Variants in PRRC2C observed in about 807,000 individuals in gnomAD.
PRRC2C encodes proline rich coiled-coil 2C.
In PRRC2C, 72 loss-of-function variants were observed where a neutral mutation model predicts 317.2. The ratio of observed to expected loss-of-function variants is 0.23; its 90% CI spans 0.19 to 0.28. PRRC2C has a LOEUF of 0.28. PRRC2C is among the 10% of genes least tolerant of loss of function. The probability of loss-of-function intolerance (pLI) is 1.00; values close to 1 mark genes in which losing one functional copy is unlikely to be tolerated. For synonymous variants in PRRC2C, 1,296 were observed against 1,205.9 expected, an observed-to-expected ratio of 1.07 and a Z score of -1.55; for missense variants, 3,074 against 3,459.7, an observed-to-expected ratio of 0.89 and a Z score of 2.80.
chr1:171,545,805 T>C (rs754483381), intron 17 of PRRC2C, 118 bp downstream of exon 17: 1 of 715,260 alleles, frequency 1.4e-6, no homozygotes, highest in African/African-American at 1.9e-5. Flanking sequence ...AAGGAAAGAT[T>C]TGGACATTCA....
intron 1 of PRRC2C, among the ~76,000 whole-genome samples, chr1:171,485,952 G>T (rs145239795): frequency 6.6e-6 from 1 of 152,146 alleles, no homozygotes; most frequent in Admixed American, 6.5e-5. Flanking sequence ...GCGGGAAACC[G>T]GAGTCAGACC....
In PRRC2C at chr1:171,566,681, T is replaced by C. The variant is rs764364947; in HGVS notation, c.6396T>C (p.Asp2132=). The C allele has an allele frequency of 3.7e-6, 6 of 1,612,598 alleles. No individual in the cohort carries two copies. The Admixed American group carries it at 1.0e-4, about 27-fold the overall frequency. ...ERSLKNRKVK[D]AQQVEPEGQE... is the part of the protein sequence containing the mutation. ...CATTAAAAAATAGAAAAGTAAAAGA[T>C]GCCCAACAGGTGGAGCCAGAAGGAC... The change falls in exon 22 of 35, where the codon GAT becomes GAC. Residue 2132 remains aspartate (D), a synonymous_variant. Coordinates refer to ENST00000647382, the MANE Select transcript of PRRC2C (RefSeq NM_001387844.1).
intron 1 of PRRC2C, among the ~76,000 whole-genome samples, chr1:171,497,513 C>T (rs780180054): frequency 1.6e-4 from 24 of 151,922 alleles, no homozygotes; most frequent in Non-Finnish European, 2.2e-4. Flanking sequence ...TGTCTATTGC[C>T]GAGGCTGTAA....
intron 1 of PRRC2C, 76 bp downstream of exon 1, chr1:171,485,811 TG>T (rs938479596): frequency 6.6e-6 from 1 of 152,144 alleles, no homozygotes; most frequent in Admixed American, 6.5e-5. Flanking sequence ...GCCTGGGGCG[TG>T]GGAGCGCACC....
Position 171,541,454 on chromosome 1 carries a change from A to G in PRRC2C, c.3988A>G (p.Lys1330Glu). Reference protein sequence around the residue: ...LEKPYVRDDDKAKPGFLPKGE... With the variant: ...LEKPYVRDDDEAKPGFLPKGE... Reference sequence around the variant, plus strand: ...AAAGCCTTATGTAAGGGATGACGATAAAGCTAAACCAGGCTTTCTTCCTAA... The same window carrying G: ...AAAGCCTTATGTAAGGGATGACGATGAAGCTAAACCAGGCTTTCTTCCTAA... Residue 1330 changes from lysine to glutamate, a missense_variant, in exon 16 of 35, where the codon AAA becomes GAA. Lys to Glu is a moderately conservative substitution (Grantham distance 56, BLOSUM62 1). Coordinates refer to ENST00000647382, the MANE Select transcript of PRRC2C (RefSeq NM_001387844.1). The surrounding 1 kb of genome is among the most constrained non-coding windows in gnomAD (Gnocchi z 4.1). 1 of 1,613,942 alleles carries G rather than the reference A, an allele frequency of 6.2e-7. No individual in the cohort carries two copies. Among genetic ancestry groups the G allele is most frequent in the Non-Finnish European group, 8.5e-7 (1 of 1,179,854 alleles).
Position 171,527,865 on chromosome 1 carries a change from T to C in PRRC2C, c.1254+21T>C, listed in dbSNP as rs745537520. 3.2e-6 allele frequency: 5 copies of C among 1,547,486 alleles called. No homozygotes were observed. The Admixed American group carries it at 9.5e-5, about 29-fold the overall frequency. ...AGCAGGTAAATTTTAAGTGCTTGTT[T>C]ATGGATTATATATTTTATTTGACCT... On this transcript the variant is annotated intron_variant, in intron 11 of 34. Transcript: ENST00000647382.
chr1:171,519,323 A>G (rs1673112238), intron 6 of PRRC2C, among the ~76,000 whole-genome samples: 1 of 152,222 alleles, frequency 6.6e-6, no homozygotes, highest in African/African-American at 2.4e-5. Context: ...ATTCCTTGAT[A>G]TTCTCAAATA....
At chr1:171,549,347 AT>A (rs1233915157) in intron 17 of PRRC2C, among the ~76,000 whole-genome samples, 2 of 152,154 alleles carry the variant, frequency 1.3e-5, no homozygotes, top group African/African-American at 4.8e-5. Flanking sequence ...AATTTATTTC[AT>A]TTTTTGAAAA....
chr1:171,532,667 C>T lies in PRRC2C; in HGVS notation c.1579C>T (p.Gln527Ter). The change falls in exon 12 of 35, where the codon CAG (glutamine) becomes TAG (stop). Residue 527 changes from glutamine to a stop codon, truncating the protein, a stop_gained. Transcript: ENST00000647382. LOFTEE classifies it high-confidence loss of function. ...REKELEKEQEQEREKEREKDR... is the reference protein window; with the variant it reads ...REKELEKEQE ...GAAAGAACTTGAAAAAGAACAAGAA[C>T]AGGAGCGAGAGAAGGAGAGGGAAAA... The T allele has an allele frequency of 6.4e-7, 1 of 1,551,118 alleles. No individual in the cohort carries two copies. Among genetic ancestry groups the T allele is most frequent in the Non-Finnish European group, 8.7e-7 (1 of 1,146,968 alleles).
chr1:171,566,103 T>TTAATGTCG (rs1187530180), intron 20 of PRRC2C, 130 bp from the exon 21 acceptor site: 70 of 688,752 alleles, frequency 1.0e-4, no homozygotes, highest in Middle Eastern at 3.0e-4. Flanking sequence ...TAAAATATAA[T>TTAATGTCG]TAATGTCGGT....
chr1:171,572,881 G>A (rs1218100624), intron 24 of PRRC2C, among the ~76,000 whole-genome samples: 1 of 152,088 alleles, frequency 6.6e-6, no homozygotes, highest in Admixed American at 6.6e-5. Context: ...TTAAATTTAA[G>A]TCAAATTACA....
chr1:171,510,644 C>T (rs1671193143), intron 1 of PRRC2C: 1 of 152,132 alleles, frequency 6.6e-6, no homozygotes, highest in African/African-American at 2.4e-5. Flanking sequence ...CATATAGTAG[C>T]AAATTGTATT....
At chr1:171,542,684 A>G (rs985577104) in intron 16 of PRRC2C, among the ~76,000 whole-genome samples, 7 of 152,234 alleles carry the variant, frequency 4.6e-5, no homozygotes, top group Non-Finnish European at 1.0e-4. Flanking sequence ...ACTACCAAGG[A>G]CACCAATAAC....
rs1684067551 is a variant in PRRC2C, at chr1:171,568,348, T to A, written c.6651+9T>A. On this transcript the variant is annotated intron_variant, in intron 23 of 34. Coordinates refer to ENST00000647382, the MANE Select transcript of PRRC2C (RefSeq NM_001387844.1). ...ATACTTTGGTTAATAATGTAAGTAA[T>A]CAGTTTGAGATGTGGCAAGTTTGGA... 1 of 1,589,386 alleles carries A rather than the reference T, an allele frequency of 6.3e-7. No homozygotes were observed. The highest frequency in any genetic ancestry group is 8.6e-7 in the Non-Finnish European group (1 of 1,166,178).
rs115068080 is a variant in PRRC2C at position 171,507,781 on chromosome 1, A to G, written c.-57-4251A>G. 7.4e-3 allele frequency among the ~76,000 whole-genome samples: 1,123 copies of G among 152,192 alleles called. 18 individuals are homozygous for G. The highest frequency in any genetic ancestry group is 0.026 in the African/African-American group (1,059 of 41,508). Reference sequence around the variant, plus strand: ...CTTGTTAACAATATTAATTCTTCCAATCTGTGAATGTGGGCTATCTTTCTA... The same window carrying G: ...CTTGTTAACAATATTAATTCTTCCAGTCTGTGAATGTGGGCTATCTTTCTA... On this transcript the variant is annotated intron_variant, in intron 1 of 34. Coordinates refer to ENST00000647382, the MANE Select transcript of PRRC2C (RefSeq NM_001387844.1).
Position 171,559,505 on chromosome 1 carries a change from GTTTGT to G in PRRC2C, c.6031+1366_6031+1370del, listed in dbSNP as rs1307395093. ...ATCTGTTTACAAAATGGCATACCAA[GTTTGT>G]TTTTTTTTTTTTTTTTTTTTTTTTT... On this transcript the variant is annotated intron_variant, in intron 19 of 34. Coordinates refer to ENST00000647382, the MANE Select transcript of PRRC2C (RefSeq NM_001387844.1). Among the ~76,000 whole-genome samples, 97 of 95,130 alleles carry G rather than the reference GTTTGT, an allele frequency of 1.0e-3. 24 individuals are homozygous for G. The highest frequency in any genetic ancestry group is 1.3e-3 in the African/African-American group (33 of 24,882). 62.4% of individuals were successfully genotyped at this position (95,130 alleles called of 152,430 possible).
intron 11 of PRRC2C, among the ~76,000 whole-genome samples, chr1:171,529,461 A>G (rs1675370562): frequency 6.6e-6 from 1 of 152,176 alleles, no homozygotes; most frequent in Admixed American, 6.5e-5. Flanking sequence ...AGGTAATGGC[A>G]TTATCATTCA....
chr1:171,587,695 A>G lies in PRRC2C; in HGVS notation c.8016A>G (p.Lys2672=). 6.2e-7 allele frequency: 1 copy of G among 1,613,628 alleles called. No homozygotes were observed. Among genetic ancestry groups the G allele is most frequent in the Non-Finnish European group, 8.5e-7 (1 of 1,179,604 alleles). The change falls in exon 32 of 35, where the codon AAA becomes AAG. Residue 2672 remains lysine (K), a synonymous_variant. Transcript: ENST00000647382. The stretch of plus-strand genomic sequence containing the variant: ...CCTTTGGAAGTGGCATTGATATAAA[A>G]CCAGGCACACCTCCAATCGCTGGTA... The part of the protein sequence containing the change: ...LKAFGSGIDI[K]PGTPPIAGRS...
At chr1:171,527,721 A>G in intron 10 of PRRC2C, 70 bp from the exon 11 acceptor site, 1 of 1,318,536 alleles carries the variant, frequency 7.6e-7, no homozygotes, top group Non-Finnish European at 1.1e-6. Flanking sequence ...ATGCCACTGC[A>G]CTCCAGCATG....
Sources: gnomAD v4.1 joint callset for allele counts (sites outside exome capture counted in the v4.1 genomes callset) on GRCh38, gnomAD v4.1.1 for gene constraint, Gnocchi (gnomAD v3.1) non-coding constraint, MANE v1.5 for transcripts, NCBI Gene and HGNC (gene_info 2026-07-23, HGNC 2026-07-21) for gene names.